Variants in MYLK observed in about 807,000 individuals in gnomAD.
MYLK encodes myosin light chain kinase, also known as myosin light chain kinase, smooth muscle.
Under a neutral mutation model 203.4 loss-of-function variants are expected in MYLK, and 106 were observed. That is an observed-to-expected ratio of 0.52 (90% CI 0.45 to 0.61). The LOEUF (loss-of-function observed/expected upper bound fraction) is 0.61. MYLK is among the 20% of genes least tolerant of loss of function. The probability of loss-of-function intolerance (pLI) is 0.00; values close to 1 mark genes in which losing one functional copy is unlikely to be tolerated. For synonymous variants in MYLK, 867 were observed against 959.5 expected (o/e 0.90, Z 1.78); for missense variants, 2,072 against 2,442.3 (o/e 0.85, Z 3.20).
intron 18 of MYLK, among the ~76,000 whole-genome samples, chr3:123,699,345 C>T (rs1489708871): frequency 6.6e-6 from 1 of 152,210 alleles, no homozygotes; most frequent in Non-Finnish European, 1.5e-5. Flanking sequence ...CTCCTCTCCC[C>T]ACCATCCAAG....
At position 123,700,273 on chromosome 3, in the gene MYLK, T is replaced by C. The variant is rs1185102857; in HGVS notation, c.3195A>G (p.Glu1065=). 2 of 1,603,802 alleles carry C rather than the reference T, an allele frequency of 1.2e-6. No individual in the cohort carries two copies. The highest frequency in any genetic ancestry group is 1.7e-5 in the Admixed American group (1 of 59,492). Residue 1065 remains glutamate (E), a synonymous_variant, in exon 18 of 34, where the codon GAA becomes GAG. Coordinates refer to ENST00000360304, the MANE Select transcript of MYLK (RefSeq NM_053025.4). The part of the protein sequence containing the change: ...PDENLKSASK[E]ELKKDVKNDV... ...CATTCTTAACGTCTTTCTTGAGTTC[T>C]TCTTTGCTAGCGGATTTCAGGTTCT...
intron 20 of MYLK, among the ~76,000 whole-genome samples, chr3:123,669,159 G>C (rs1414806531): frequency 1.3e-5 from 2 of 152,206 alleles, no homozygotes; most frequent in East Asian, 1.9e-4. Flanking sequence ...CCCTGGCAGG[G>C]GCACACTGAG....
At chr3:123,741,420 G>C (rs2062852394) in intron 5 of MYLK, among the ~76,000 whole-genome samples, 1 of 152,184 alleles carries the variant, frequency 6.6e-6, no homozygotes, top group African/African-American at 2.4e-5. Flanking sequence ...TCCTGAAAGT[G>C]TTTTGGTTTT....
intron 3 of MYLK, among the ~76,000 whole-genome samples, chr3:123,801,796 T>C (rs748914034): frequency 1.3e-4 from 20 of 152,248 alleles, no homozygotes; most frequent in Admixed American, 2.6e-4. Context: ...CTATGGTGTA[T>C]ATGTGCCACA....
At chr3:123,734,423 C>G in intron 9 of MYLK, 1 of 544,746 alleles carries the variant, frequency 1.8e-6, no homozygotes, top group Non-Finnish European at 3.2e-6. Flanking sequence ...ATTCCCGACA[C>G]TTGCCTGTCC....
chr3:123,822,430 G>C (rs2065968941), intron 3 of MYLK, among the ~76,000 whole-genome samples: 1 of 152,192 alleles, frequency 6.6e-6, no homozygotes, highest in African/African-American at 2.4e-5. Flanking sequence ...TCCAGTCTTT[G>C]TAAGAACCTG....
At chr3:123,666,809 T>G in intron 21 of MYLK, 1 of 555,316 alleles carries the variant, frequency 1.8e-6, no homozygotes, top group Non-Finnish European at 3.2e-6. Context: ...AAGAGGGTCA[T>G]GTACACAAGG....
At chr3:123,808,765 T>C (rs1205344385) in intron 3 of MYLK, among the ~76,000 whole-genome samples, 1 of 152,246 alleles carries the variant, frequency 6.6e-6, no homozygotes, top group African/African-American at 2.4e-5. Flanking sequence ...CTAGGTACTG[T>C]ACTGAGGGCT....
At chr3:123,662,897 T>C (rs901980471) in intron 23 of MYLK, among the ~76,000 whole-genome samples, 7 of 152,190 alleles carry the variant, frequency 4.6e-5, no homozygotes, top group African/African-American at 1.7e-4. Context: ...CTGTACCCTT[T>C]TCACTCTGCC....
At chr3:123,802,446 G>A (rs2065228210) in intron 3 of MYLK, among the ~76,000 whole-genome samples, 1 of 152,270 alleles carries the variant, frequency 6.6e-6, no homozygotes, top group African/African-American at 2.4e-5. Context: ...AGGCAGACAA[G>A]CTGCCCACAT....
In MYLK at chr3:123,648,855, G is replaced by T; in HGVS notation, c.4415+116C>A. The T allele has an allele frequency of 1.2e-6, 1 of 858,006 alleles. No homozygotes were observed. 53.1% of individuals were successfully genotyped at this position (858,006 alleles called of 1,614,324 possible). On this transcript the variant is annotated intron_variant, in intron 26 of 33. Transcript: ENST00000360304. The surrounding 1 kb of genome is among the most constrained non-coding windows in gnomAD (Gnocchi z 4.5). ...TCCTTTGGATCCTGCAGGACTCTCA[G>T]TCTGGGGAGGAGGCAGGCCCCAGGG...
rs11918679 is a variant in MYLK, at chr3:123,791,078, G to A, written c.165+2599C>T. Among the ~76,000 whole-genome samples the A allele has an allele frequency of 8.2e-3, 1,255 of 152,282 alleles. 19 individuals are homozygous for A. Among genetic ancestry groups the A allele is most frequent in the African/African-American group, 0.029 (1,200 of 41,562 alleles). ...TGAGAGTGATACCAGGACTGGTTCC[G>A]TGACGATTGAGCACCTAGAACAGGA... On this transcript the variant is annotated intron_variant, in intron 4 of 33. Coordinates refer to ENST00000360304, the MANE Select transcript of MYLK (RefSeq NM_053025.4).
chr3:123,751,557 T>C (rs911731144), intron 5 of MYLK, among the ~76,000 whole-genome samples: 3 of 152,200 alleles, frequency 2.0e-5, no homozygotes, highest in African/African-American at 7.2e-5. Flanking sequence ...ACGCTAAAGA[T>C]GATGTTAATG....
At chr3:123,679,427 G>A (rs1480496573) in intron 20 of MYLK, among the ~76,000 whole-genome samples, 1 of 152,100 alleles carries the variant, frequency 6.6e-6, no homozygotes, top group Non-Finnish European at 1.5e-5. Flanking sequence ...CAGGCCCCCA[G>A]GGTACAGGCT....
intron 22 of MYLK, 119 bp downstream of exon 22, chr3:123,666,100 A>G (rs1576479814): frequency 6.6e-7 from 1 of 1,526,680 alleles, no homozygotes; most frequent in Middle Eastern, 1.7e-4. Context: ...GGCCTCTCCC[A>G]TTTCTAAAGC....
intron 19 of MYLK, 75 bp downstream of exon 19, chr3:123,692,660 G>T (rs1426145066): frequency 3.4e-6 from 4 of 1,164,180 alleles, no homozygotes; most frequent in Non-Finnish European, 3.9e-6. Flanking sequence ...GACAGGCAAG[G>T]TATGGTAAGG....
chr3:123,850,267 G>C (rs1265072699), intron 2 of MYLK, among the ~76,000 whole-genome samples: 1 of 152,160 alleles, frequency 6.6e-6, no homozygotes, highest in Non-Finnish European at 1.5e-5. Flanking sequence ...CGAGTAATGG[G>C]ATGGCTGGGT....
chr3:123,688,830 G>A (rs1376013551), intron 19 of MYLK, among the ~76,000 whole-genome samples: 2 of 152,028 alleles, frequency 1.3e-5, no homozygotes, highest in East Asian at 3.9e-4. Flanking sequence ...TTCCTCAGAG[G>A]GGCCTCAGTG....
chr3:123,640,503 C>T lies in MYLK; in HGVS notation c.4621G>A (p.Val1541Met), dbSNP rs954388687. Residue 1541 changes from valine to methionine, a missense_variant and splice_region_variant, in exon 28 of 34, where the codon GTG becomes ATG. Physicochemically the swap from Val to Met is conservative, Grantham distance 21. Coordinates refer to ENST00000360304, the MANE Select transcript of MYLK (RefSeq NM_053025.4). The surrounding 1 kb of genome is among the most constrained non-coding windows in gnomAD (Gnocchi z 4.3). ...KANIVMVLEI[V>M]SGGELFERII... ...CGCTCAAACAGCTCCCCTCCTGACA[C>T]GCTGCGGGAACACGTGCACGGGGTG... 12 of 1,613,806 alleles carry T rather than the reference C, an allele frequency of 7.4e-6. No individual in the cohort carries two copies. Among genetic ancestry groups the T allele is most frequent in the Admixed American group, 6.7e-5 (4 of 60,008 alleles).
Sources: gnomAD v4.1 joint callset for allele counts (sites outside exome capture counted in the v4.1 genomes callset) on GRCh38, gnomAD v4.1.1 for gene constraint, Gnocchi (gnomAD v3.1) non-coding constraint, MANE v1.5 for transcripts, NCBI Gene and HGNC (gene_info 2026-07-23, HGNC 2026-07-21) for gene names.